ROR1: variants seen among roughly 807,000 people sequenced by gnomAD.
The protein encoded by ROR1 is ROR family WNT receptor 1.
ROR1 carries 19 observed loss-of-function variants against 78.8 expected under a neutral mutation model. That is an observed-to-expected ratio of 0.24 (90% CI 0.17 to 0.35). The LOEUF is 0.35. ROR1 is among the 10% of genes least tolerant of loss of function. The probability of loss-of-function intolerance (pLI) is 1.00; values close to 1 mark genes in which losing one functional copy is unlikely to be tolerated. For missense variants in ROR1, 917 were observed against 1,177.8 expected (o/e 0.78, Z 3.24); for synonymous variants, 386 against 433.6 (o/e 0.89, Z 1.36).
intron 1 of ROR1, among the ~76,000 whole-genome samples, chr1:63,959,127 A>G (rs1646007226): frequency 6.6e-6 from 1 of 152,236 alleles, no homozygotes; most frequent in African/African-American, 2.4e-5. Context: ...CTGAAGGGGA[A>G]GCAAACATGT....
chr1:63,968,000 T>G (rs1019249116), intron 1 of ROR1, among the ~76,000 whole-genome samples: 1 of 152,186 alleles, frequency 6.6e-6, no homozygotes, highest in African/African-American at 2.4e-5. Flanking sequence ...CTTCTTACAT[T>G]TTGTTTCCTT....
At chr1:63,875,149 T>C (rs142943023) in intron 1 of ROR1, among the ~76,000 whole-genome samples, 43 of 152,296 alleles carry the variant, frequency 2.8e-4, no homozygotes, top group African/African-American at 9.9e-4. Flanking sequence ...TTAACCTCTC[T>C]GTAAACTTGT....
intron 1 of ROR1, among the ~76,000 whole-genome samples, chr1:63,917,415 A>G (rs1358085639): frequency 1.3e-5 from 2 of 152,192 alleles, no homozygotes; most frequent in Non-Finnish European, 2.9e-5. Context: ...ATTTTTTGGC[A>G]TATACTTTAA....
At chr1:63,948,802 A>G (rs1342251356) in intron 1 of ROR1, among the ~76,000 whole-genome samples, 1 of 152,194 alleles carries the variant, frequency 6.6e-6, no homozygotes, top group Non-Finnish European at 1.5e-5. Context: ...TACAGCAAAA[A>G]GAAAGCCCTG....
At chr1:64,022,678 G>A (rs1332150655) in intron 2 of ROR1, among the ~76,000 whole-genome samples, 3 of 152,144 alleles carry the variant, frequency 2.0e-5, no homozygotes, top group Non-Finnish European at 2.9e-5. Flanking sequence ...TCTACACGAA[G>A]TCATTCCCAG....
At chr1:63,799,733 G>A (rs1213321519) in intron 1 of ROR1, among the ~76,000 whole-genome samples, 2 of 152,068 alleles carry the variant, frequency 1.3e-5, no homozygotes, top group Non-Finnish European at 2.9e-5. Context: ...TGAGGTCTGG[G>A]TGAGGAGGAA....
intron 1 of ROR1, among the ~76,000 whole-genome samples, chr1:63,988,417 T>C (rs918431926): frequency 6.6e-6 from 1 of 152,228 alleles, no homozygotes; most frequent in Admixed American, 6.6e-5. Context: ...ACATCTAGTC[T>C]CTTCTAGAAT....
At chr1:63,954,766 G>A (rs6675777) in intron 1 of ROR1, among the ~76,000 whole-genome samples, 50,098 of 152,106 alleles carry the variant, frequency 0.33, 12,449 homozygotes, top group African/African-American at 0.71. Flanking sequence ...ATATGGGAGC[G>A]TGTGCATAGG....
chr1:64,049,993 A>T lies in ROR1; in HGVS notation c.451+15A>T. ...TGTCAAGTTTGGTAAGCAGACCCCTACTGGGGATGGACTTTGGCCCTCAGC... is the reference window on the plus strand; with the variant it reads ...TGTCAAGTTTGGTAAGCAGACCCCTTCTGGGGATGGACTTTGGCCCTCAGC... On this transcript the variant is annotated intron_variant, in intron 3 of 8. Transcript: ENST00000371079. 1 of 1,613,370 alleles carries T rather than the reference A, an allele frequency of 6.2e-7. No individual in the cohort carries two copies. The highest frequency in any genetic ancestry group is 8.5e-7 in the Non-Finnish European group (1 of 1,179,700).
At chr1:64,172,628 T>G (rs1394158645) in intron 8 of ROR1, among the ~76,000 whole-genome samples, 1 of 152,232 alleles carries the variant, frequency 6.6e-6, no homozygotes, top group African/African-American at 2.4e-5. Context: ...TGGTTTACTT[T>G]GGCACCATGC....
chr1:63,786,187 T>C (rs833528), intron 1 of ROR1, among the ~76,000 whole-genome samples: 49,639 of 149,832 alleles, frequency 0.33, 10,528 homozygotes, highest in African/African-American at 0.61. Context: ...TGATTAGTCT[T>C]CCTCCCCAGA....
intron 2 of ROR1, among the ~76,000 whole-genome samples, chr1:64,048,477 A>G (rs946452297): frequency 3.9e-5 from 6 of 152,188 alleles, no homozygotes; most frequent in African/African-American, 1.4e-4. Flanking sequence ...GTTACCCCAG[A>G]CTTGGACCTA....
At chr1:63,961,398 C>G (rs1485594858) in intron 1 of ROR1, among the ~76,000 whole-genome samples, 2 of 152,156 alleles carry the variant, frequency 1.3e-5, no homozygotes, top group Non-Finnish European at 2.9e-5. Flanking sequence ...ATGTTTATTG[C>G]TGCAGTATTC....
At chr1:64,123,828 A>G (rs1648625009) in intron 4 of ROR1, among the ~76,000 whole-genome samples, 1 of 152,178 alleles carries the variant, frequency 6.6e-6, no homozygotes, top group South Asian at 2.1e-4. Flanking sequence ...ATTCATGTAA[A>G]AACCCTGAAA....
intron 4 of ROR1, among the ~76,000 whole-genome samples, chr1:64,117,967 A>G (rs1648376032): frequency 6.6e-6 from 1 of 152,252 alleles, no homozygotes; most frequent in South Asian, 2.1e-4. Flanking sequence ...TTGGGAGTTC[A>G]AGGCGGGGAG....
intron 4 of ROR1, among the ~76,000 whole-genome samples, chr1:64,080,172 T>C (rs1355291383): frequency 2.0e-5 from 3 of 152,204 alleles, no homozygotes; most frequent in African/African-American, 4.8e-5. Context: ...GCTTTCTTTT[T>C]TGGAACCTAT....
chr1:64,153,954 T>C (rs1317212246), intron 7 of ROR1, among the ~76,000 whole-genome samples: 2 of 152,236 alleles, frequency 1.3e-5, no homozygotes, highest in East Asian at 3.8e-4. Flanking sequence ...AATTCTTTTA[T>C]AGAGGAGGAA....
intron 4 of ROR1, among the ~76,000 whole-genome samples, chr1:64,076,180 T>C (rs1225505371): frequency 2.0e-5 from 3 of 152,214 alleles, no homozygotes; most frequent in Non-Finnish European, 4.4e-5. Flanking sequence ...GCTGTCTTTC[T>C]GTTGCAAATC....
intron 1 of ROR1, among the ~76,000 whole-genome samples, chr1:63,910,061 CA>C (rs1470307384): frequency 6.6e-6 from 1 of 152,182 alleles, no homozygotes; most frequent in Non-Finnish European, 1.5e-5. Flanking sequence ...TTATATAATT[CA>C]GTGCACTTAA....
Sources: allele counts gnomAD v4.1 joint callset (sites outside exome capture counted in the v4.1 genomes callset), GRCh38; gene constraint gnomAD v4.1.1; transcripts MANE v1.5; gene names NCBI Gene and HGNC (gene_info 2026-07-23, HGNC 2026-07-21).